The following ADGRA1 variants were observed in gnomAD, a reference collection of about 807,000 sequenced individuals.
The protein encoded by ADGRA1 is adhesion G protein-coupled receptor A1, also known as G-protein coupled receptor 123.
ADGRA1 carries 12 observed loss-of-function variants against 21.3 expected under a neutral mutation model. The ratio of observed to expected loss-of-function variants is 0.56; its 90% CI spans 0.36 to 0.91. ADGRA1 has a LOEUF of 0.91. ADGRA1 is among the 40% of genes least tolerant of loss of function. ADGRA1 has a pLI of 0.01. For synonymous variants in ADGRA1, 385 were observed against 368.8 expected (o/e 1.04, Z -0.50); for missense variants, 790 against 805.6 (o/e 0.98, Z 0.23).
rs1430087907 is a variant in ADGRA1 at position 133,130,670 on chromosome 10, GTGCATATCACACACATGCACACACAC to G, written c.*1160_*1185del. 1 of 150,674 alleles carries G rather than the reference GTGCATATCACACACATGCACACACAC, an allele frequency of 6.6e-6. No individual in the cohort carries two copies. The highest frequency in any genetic ancestry group is 1.9e-4 in the East Asian group (1 of 5,152). 9.3% of individuals were successfully genotyped at this position (150,674 alleles called of 1,614,324 possible). ...CCCACACACACACACACAAACACAT[GTGCATATCACACACATGCACACACAC>G]AAACACATGTGCATATCACACACGC... On this transcript the variant is annotated 3_prime_UTR_variant, in exon 7 of 7. Coordinates refer to ENST00000392607, the MANE Select transcript of ADGRA1 (RefSeq NM_001083909.3).
intron 5 of ADGRA1, among the ~76,000 whole-genome samples, chr10:133,126,318 A>C (rs1472826616): frequency 1.3e-5 from 2 of 152,218 alleles, no homozygotes; most frequent in Non-Finnish European, 2.9e-5. Context: ...TGGGATATAG[A>C]GTCTGGGAAG....
At chr10:133,102,535 G>GC (rs1238804715) in intron 4 of ADGRA1, among the ~76,000 whole-genome samples, 162 bp from the exon 5 acceptor site, 1 of 152,234 alleles carries the variant, frequency 6.6e-6, no homozygotes, top group East Asian at 1.9e-4. Flanking sequence ...GTCTCCCTGT[G>GC]AGTTCTGGGC....
intron 2 of ADGRA1, among the ~76,000 whole-genome samples, chr10:133,091,156 T>C (rs1259593988): frequency 6.6e-6 from 1 of 152,244 alleles, no homozygotes; most frequent in Non-Finnish European, 1.5e-5. Context: ...GTCCTCACAC[T>C]TAACTCAGAG....
At chr10:133,107,085 T>G (rs1280869982) in intron 5 of ADGRA1, among the ~76,000 whole-genome samples, 2 of 152,262 alleles carry the variant, frequency 1.3e-5, no homozygotes, top group African/African-American at 4.8e-5. Context: ...CCAGGGATTT[T>G]ATTCTTTTGA....
chr10:133,112,981 A>C (rs1350471551), intron 5 of ADGRA1, among the ~76,000 whole-genome samples: 2 of 72,218 alleles, frequency 2.8e-5, no homozygotes, highest in African/African-American at 6.1e-5. Flanking sequence ...GGGCCGCGTC[A>C]GTTATTTGGG....
Position 133,131,077 on chromosome 10 carries a change from C to T in ADGRA1, c.*1566C>T, listed in dbSNP as rs1852516487. 3 of 152,336 alleles carry T rather than the reference C, an allele frequency of 2.0e-5. 1 individual carries two copies. The South Asian group carries it at 6.2e-4, about 32-fold the overall frequency. 9.4% of individuals were successfully genotyped at this position (152,336 alleles called of 1,614,324 possible). A position where few individuals can be genotyped will look rare whatever the true frequency, so the allele number is the denominator to read the frequency against. On this transcript the variant is annotated 3_prime_UTR_variant, in exon 7 of 7. Coordinates refer to ENST00000392607, the MANE Select transcript of ADGRA1 (RefSeq NM_001083909.3). ...GGAGGTCTCACCAGGAGCAGAGCCT[C>T]CCTAACGTGCACCTCCGAGAAGAGG...
chr10:133,129,175 C>A lies in ADGRA1; in HGVS notation c.1347C>A (p.Arg449=). The A allele has an allele frequency of 1.3e-6, 2 of 1,551,070 alleles. No homozygotes were observed. Among genetic ancestry groups the A allele is most frequent in the Non-Finnish European group, 8.7e-7 (1 of 1,147,282 alleles). The change falls in exon 7 of 7, where the codon CGC becomes CGA. Residue 449 remains arginine (R), a synonymous_variant. Transcript: ENST00000392607. ...HIPSSLDGSP[R]SSRTDSPPSS... ...CATCCAGCCTGGATGGCAGCCCCCGCAGCTCGCGCACAGACAGCCCCCCCA... is the reference window on the plus strand; with the variant it reads ...CATCCAGCCTGGATGGCAGCCCCCGAAGCTCGCGCACAGACAGCCCCCCCA...
chr10:133,106,941 G>A (rs552913564), intron 5 of ADGRA1, among the ~76,000 whole-genome samples: 34 of 152,352 alleles, frequency 2.2e-4, no homozygotes, highest in East Asian at 7.7e-4. Context: ...AAGCGTCACC[G>A]TTTCAACAGC....
Position 133,116,750 on chromosome 10 carries a change from G to A in ADGRA1, c.402-10483G>A, listed in dbSNP as rs371361741. 3.3e-3 allele frequency among the ~76,000 whole-genome samples: 504 copies of A among 152,144 alleles called. 1 individual carries two copies. Among genetic ancestry groups the A allele is most frequent in the Non-Finnish European group, 6.3e-3 (428 of 67,994 alleles). ...GCCCCAGGCTTCCTTCCTTTTGGCC[G>A]CGCCTCTTTCTTTCCTCCATCCTCT... On this transcript the variant is annotated intron_variant, in intron 5 of 6. Transcript: ENST00000392607.
intron 2 of ADGRA1, among the ~76,000 whole-genome samples, chr10:133,094,964 TG>T (rs765907690): frequency 9.2e-5 from 14 of 152,156 alleles, no homozygotes; most frequent in Admixed American, 2.0e-4. Flanking sequence ...TGTTTGCACG[TG>T]GCAGGAAGTG....
At chr10:133,098,583 C>T in intron 3 of ADGRA1, 57 bp from the exon 4 acceptor site, 3 of 1,561,578 alleles carry the variant, frequency 1.9e-6, no homozygotes, top group East Asian at 4.5e-5. Flanking sequence ...GGCTCCCTTC[C>T]ACGCCTCCCC....
chr10:133,128,521 G>T lies in ADGRA1; in HGVS notation c.693G>T (p.Arg231=). The part of the protein sequence containing the change: ...LATPEGGRGI[R]PGTPPAHDAP... ...CACCCGAGGGCGGCCGTGGGATCCG[G>T]CCAGGCACCCCACCCGCACACGATG... The change falls in exon 7 of 7, where the codon CGG becomes CGT. Residue 231 remains arginine (R), a synonymous_variant. Transcript: ENST00000392607. The T allele has an allele frequency of 6.5e-7, 1 of 1,547,556 alleles. No individual in the cohort carries two copies.
Position 133,129,544 on chromosome 10 carries a change from G to A in ADGRA1, c.*33G>A, listed in dbSNP as rs1220955022. Reference sequence around the variant, plus strand: ...CAGAGGACACGGTGTTCCTGGAGGAGCTTCAGAGCAGAGTGGGGGGCCCAT... The same window carrying A: ...CAGAGGACACGGTGTTCCTGGAGGAACTTCAGAGCAGAGTGGGGGGCCCAT... On this transcript the variant is annotated 3_prime_UTR_variant, in exon 7 of 7. Transcript: ENST00000392607. The A allele has an allele frequency of 6.5e-7, 1 of 1,533,958 alleles. No individual in the cohort carries two copies. The highest frequency in any genetic ancestry group is 8.8e-7 in the Non-Finnish European group (1 of 1,142,714).
At chr10:133,095,701 TG>T in intron 2 of ADGRA1, 1 of 1,597,984 alleles carries the variant, frequency 6.3e-7, no homozygotes, top group South Asian at 1.1e-5. Context: ...GGCCTCGTCT[TG>T]GCTGGACGGA....
chr10:133,106,763 A>G (rs1289806870), intron 5 of ADGRA1, among the ~76,000 whole-genome samples: 1 of 152,252 alleles, frequency 6.6e-6, no homozygotes, highest in East Asian at 1.9e-4. Flanking sequence ...GGGGAAGGCC[A>G]TCGAGGCCAA....
At chr10:133,114,965 GA>G (rs1423975690) in intron 5 of ADGRA1, among the ~76,000 whole-genome samples, 1 of 152,212 alleles carries the variant, frequency 6.6e-6, no homozygotes, top group East Asian at 1.9e-4. Flanking sequence ...TCTTTCCTGT[GA>G]AAAATGACCT....
intron 5 of ADGRA1, among the ~76,000 whole-genome samples, chr10:133,126,110 C>T (rs925232713): frequency 8.5e-5 from 13 of 152,242 alleles, no homozygotes; most frequent in African/African-American, 3.1e-4. Flanking sequence ...CACGGACCCT[C>T]GGCCCAAGGC....
chr10:133,099,450 G>C (rs1432396050), intron 4 of ADGRA1, among the ~76,000 whole-genome samples: 1 of 152,178 alleles, frequency 6.6e-6, no homozygotes, highest in Non-Finnish European at 1.5e-5. Context: ...GTCACTCGGG[G>C]AACCCTCCTC....
chr10:133,120,893 G>A (rs1852241503), intron 5 of ADGRA1, among the ~76,000 whole-genome samples: 1 of 152,202 alleles, frequency 6.6e-6, no homozygotes, highest in Admixed American at 6.5e-5. Flanking sequence ...TAAGCGTAAT[G>A]ATTTCTAGTT....
Sources: gnomAD v4.1 joint callset for allele counts (sites outside exome capture counted in the v4.1 genomes callset) on GRCh38, gnomAD v4.1.1 for gene constraint, MANE v1.5 for transcripts, NCBI Gene and HGNC (gene_info 2026-07-23, HGNC 2026-07-21) for gene names.